The following LTBP1 variants were observed in gnomAD, a reference collection of about 807,000 sequenced individuals.
LTBP1 encodes the protein latent-transforming growth factor beta-binding protein 1.
LTBP1 carries 129 observed loss-of-function variants against 207.6 expected under a neutral mutation model. The observed-to-expected ratio is 0.62, with a 90% CI of 0.54 to 0.72. The LOEUF is 0.72. Ranked by LOEUF, LTBP1 falls within the 30% of genes least tolerant of loss-of-function variation. The probability of loss-of-function intolerance (pLI) is 0.00; values close to 1 mark genes in which losing one functional copy is unlikely to be tolerated. For missense variants in LTBP1, 2,281 were observed against 2,217.2 expected, an observed-to-expected ratio of 1.03 and a Z score of -0.58; for synonymous variants, 963 against 833.7, an observed-to-expected ratio of 1.16 and a Z score of -2.67.
At chr2:33,190,111 A>G (rs1370884291) in intron 7 of LTBP1, among the ~76,000 whole-genome samples, 3 of 152,206 alleles carry the variant, frequency 2.0e-5, no homozygotes, top group African/African-American at 7.2e-5. Context: ...CATTTATATC[A>G]TAAAGTGAGA....
At chr2:33,343,429 T>C (rs1484925293) in intron 25 of LTBP1, among the ~76,000 whole-genome samples, 1 of 129,372 alleles carries the variant, frequency 7.7e-6, no homozygotes, top group East Asian at 2.3e-4. Flanking sequence ...AAAAAAAAAA[T>C]CCTATGGCTT....
chr2:33,353,391 T>A (rs1040949908), intron 26 of LTBP1, among the ~76,000 whole-genome samples: 6 of 152,142 alleles, frequency 3.9e-5, no homozygotes, highest in African/African-American at 1.4e-4. Context: ...GGATTCTGCC[T>A]CTCTGCTCTC....
intron 26 of LTBP1, among the ~76,000 whole-genome samples, chr2:33,351,468 A>G (rs1317088290): frequency 1.3e-5 from 2 of 152,238 alleles, no homozygotes; most frequent in Non-Finnish European, 2.9e-5. Context: ...CATTAATCAT[A>G]GAAAATTGGC....
At chr2:33,250,381 C>A (rs1363959200) in intron 10 of LTBP1, among the ~76,000 whole-genome samples, 1 of 152,112 alleles carries the variant, frequency 6.6e-6, no homozygotes, top group Admixed American at 6.5e-5. Flanking sequence ...ACCCCCTCCA[C>A]AAAGAAGAAC....
chr2:32,979,400 C>T (rs1435758350), intron 2 of LTBP1, among the ~76,000 whole-genome samples: 1 of 151,902 alleles, frequency 6.6e-6, no homozygotes, highest in Non-Finnish European at 1.5e-5. Context: ...TTTCCATTAT[C>T]ATTGTTTCAA....
chr2:32,986,127 G>T (rs1683529842), intron 2 of LTBP1, among the ~76,000 whole-genome samples: 1 of 152,140 alleles, frequency 6.6e-6, no homozygotes, highest in Admixed American at 6.5e-5. Context: ...TTCTGACCCT[G>T]TTGGATCAAT....
At chr2:33,384,731 T>A (rs2150471538) in intron 31 of LTBP1, among the ~76,000 whole-genome samples, 1 of 152,330 alleles carries the variant, frequency 6.6e-6, no homozygotes, top group Non-Finnish European at 1.5e-5. Context: ...AGTTTAGGGA[T>A]CTGCTATTCT....
intron 3 of LTBP1, among the ~76,000 whole-genome samples, chr2:33,024,050 C>G (rs1199559389): frequency 1.3e-5 from 2 of 152,156 alleles, no homozygotes; most frequent in Non-Finnish European, 2.9e-5. Context: ...CATTGTGTGT[C>G]ACATGAAGTG....
chr2:32,980,247 T>C (rs918540836), intron 2 of LTBP1, among the ~76,000 whole-genome samples: 4 of 152,160 alleles, frequency 2.6e-5, no homozygotes, highest in African/African-American at 4.8e-5. Context: ...TCTTTCTGTT[T>C]TCGTTTTAGT....
At chr2:33,118,882 C>T (rs1174381118) in intron 4 of LTBP1, among the ~76,000 whole-genome samples, 4 of 152,000 alleles carry the variant, frequency 2.6e-5, no homozygotes, top group African/African-American at 4.8e-5. Flanking sequence ...ATAGGCCACA[C>T]GAAGTTTAAG....
chr2:33,300,618 A>G (rs1558973233), intron 21 of LTBP1, 45 bp downstream of exon 21: 1 of 1,582,550 alleles, frequency 6.3e-7, no homozygotes, highest in Non-Finnish European at 8.6e-7. Context: ...AGCTTAAAGC[A>G]CCTGGTCTGA....
At chr2:32,955,291 ACAGT>A (rs1677893592) in intron 2 of LTBP1, among the ~76,000 whole-genome samples, 1 of 152,250 alleles carries the variant, frequency 6.6e-6, no homozygotes, top group Non-Finnish European at 1.5e-5. Flanking sequence ...GAATGTATAT[ACAGT>A]CAAAGATTGC....
chr2:33,005,011 G>A (rs930448542), intron 2 of LTBP1, among the ~76,000 whole-genome samples: 2 of 151,908 alleles, frequency 1.3e-5, no homozygotes, highest in Non-Finnish European at 2.9e-5. Flanking sequence ...GATTCATGAA[G>A]TTATTAATCA....
intron 2 of LTBP1, among the ~76,000 whole-genome samples, chr2:32,954,717 C>T (rs1677785243): frequency 6.6e-6 from 1 of 151,796 alleles, no homozygotes; most frequent in Non-Finnish European, 1.5e-5. Context: ...ATGCCTTGCA[C>T]ATAGGTTGGA....
rs200377787 is a variant in LTBP1 at position 33,104,838 on chromosome 2, CGAGA to C, written c.864-5743_864-5740del. On this transcript the variant is annotated intron_variant, in intron 3 of 33. Transcript: ENST00000404816. ...ACTAACATAATCATTCTTGCCCTCT[CGAGA>C]ATAGAGTGGCCCTTTCTTCTGACAG... 7.9e-3 allele frequency among the ~76,000 whole-genome samples: 1,209 copies of C among 152,256 alleles called. 11 individuals are homozygous for C. The highest frequency in any genetic ancestry group is 0.01 in the Middle Eastern group (3 of 294).
intron 2 of LTBP1, among the ~76,000 whole-genome samples, chr2:33,011,626 A>G (rs1048136998): frequency 6.6e-6 from 1 of 152,032 alleles, no homozygotes; most frequent in African/African-American, 2.4e-5. Flanking sequence ...CAGAATTGTG[A>G]AAGAATAAAT....
chr2:33,041,777 C>G (rs2076197668), intron 3 of LTBP1, among the ~76,000 whole-genome samples: 2 of 152,142 alleles, frequency 1.3e-5, no homozygotes, highest in South Asian at 2.1e-4. Flanking sequence ...AAGTCTCAGT[C>G]TCTCCCTCTG....
rs144094459 is a variant in LTBP1 at position 33,122,162 on chromosome 2, G to A, written c.1033+11411G>A. On this transcript the variant is annotated intron_variant, in intron 4 of 33. Coordinates refer to ENST00000404816, the MANE Select transcript of LTBP1 (RefSeq NM_206943.4). Reference sequence around the variant, plus strand: ...GTGGGTGGAACGAGTCTATGGGTTCGGAGCGGGAGCTTCGTTCGAGAGGAA... The same window carrying A: ...GTGGGTGGAACGAGTCTATGGGTTCAGAGCGGGAGCTTCGTTCGAGAGGAA... Among the ~76,000 whole-genome samples the A allele has an allele frequency of 6.8e-4, 102 of 150,168 alleles. 1 individual carries two copies. The East Asian group carries it at 0.018, about 27-fold the overall frequency.
chr2:33,203,197 T>C (rs927898254), intron 7 of LTBP1, among the ~76,000 whole-genome samples: 3 of 152,232 alleles, frequency 2.0e-5, no homozygotes, highest in African/African-American at 7.2e-5. Context: ...GACTTTTAAG[T>C]GTTAGCTGGT....
Sources: allele counts gnomAD v4.1 joint callset (sites outside exome capture counted in the v4.1 genomes callset), GRCh38; gene constraint gnomAD v4.1.1; transcripts MANE v1.5; gene names NCBI Gene and HGNC (gene_info 2026-07-23, HGNC 2026-07-21).